ARHGAP24: variants seen among roughly 807,000 people sequenced by gnomAD.
The protein encoded by ARHGAP24 is Rho GTPase activating protein 24, also known as rho GTPase-activating protein 24.
Under a neutral mutation model 76.4 loss-of-function variants are expected in ARHGAP24, and 50 were observed. That is an observed-to-expected ratio of 0.65 (90% CI 0.52 to 0.83). The LOEUF is 0.83. ARHGAP24 is among the 40% of genes least tolerant of loss of function. The pLI, the probability that ARHGAP24 is intolerant of heterozygous loss-of-function variation, is 0.00. For synonymous variants in ARHGAP24, 345 were observed against 323.3 expected, an observed-to-expected ratio of 1.07 and a Z score of -0.72; for missense variants, 930 against 914.2, an observed-to-expected ratio of 1.02 and a Z score of -0.22.
At chr4:85,992,977 T>C (rs1740424413) in intron 8 of ARHGAP24, among the ~76,000 whole-genome samples, 1 of 152,184 alleles carries the variant, frequency 6.6e-6, no homozygotes, top group Non-Finnish European at 1.5e-5. Context: ...AGACTAAATA[T>C]TGCATTTCAC....
chr4:85,649,161 T>G (rs1721842142), intron 2 of ARHGAP24, among the ~76,000 whole-genome samples: 2 of 152,044 alleles, frequency 1.3e-5, no homozygotes, highest in Admixed American at 1.3e-4. Context: ...TTTCACAGTA[T>G]TTACCAAACA....
intron 6 of ARHGAP24, chr4:85,972,420 A>T (rs1047234790): frequency 1.2e-5 from 6 of 492,146 alleles, no homozygotes; most frequent in African/African-American, 1.9e-5. Context: ...TCCCTAAATG[A>T]TAAATGCAGT....
intron 2 of ARHGAP24, among the ~76,000 whole-genome samples, chr4:85,698,258 T>G (rs1308572881): frequency 6.6e-6 from 1 of 152,198 alleles, no homozygotes; most frequent in Non-Finnish European, 1.5e-5. Context: ...GATGGACTGC[T>G]GGACCCATGG....
In ARHGAP24 at chr4:85,569,940, G is replaced by A. The variant is rs151013745; in HGVS notation, c.-20-582G>A. On this transcript the variant is annotated intron_variant, in intron 1 of 9. Transcript: ENST00000395184. ...TCCTAGGCTGTGCCCAACAGACACA[G>A]AGGCCATAATCTTGAGAGTTATGTT... 8.5e-4 allele frequency among the ~76,000 whole-genome samples: 130 copies of A among 152,318 alleles called. 1 individual carries two copies. The highest frequency in any genetic ancestry group is 3.0e-3 in the African/African-American group (126 of 41,570).
At chr4:85,478,844 A>G (rs1000827365) in intron 1 of ARHGAP24, among the ~76,000 whole-genome samples, 2 of 152,232 alleles carry the variant, frequency 1.3e-5, no homozygotes, top group Admixed American at 6.5e-5. Flanking sequence ...TGAAGAATTA[A>G]TCATTTCATC....
At chr4:85,795,818 C>T (rs1728318735) in intron 3 of ARHGAP24, among the ~76,000 whole-genome samples, 1 of 152,102 alleles carries the variant, frequency 6.6e-6, no homozygotes, top group Admixed American at 6.5e-5. Flanking sequence ...TATTTCTTTG[C>T]TTAAGGATAC....
intron 3 of ARHGAP24, among the ~76,000 whole-genome samples, chr4:85,773,290 A>C (rs1727196011): frequency 6.6e-6 from 1 of 152,172 alleles, no homozygotes; most frequent in Non-Finnish European, 1.5e-5. Flanking sequence ...GTATTCTAAA[A>C]CCATAATATC....
intron 3 of ARHGAP24, among the ~76,000 whole-genome samples, chr4:85,743,451 C>T (rs1436291529): frequency 1.5e-5 from 2 of 134,090 alleles, no homozygotes; most frequent in African/African-American, 5.6e-5. Context: ...CATGTTAGTC[C>T]CAGCTGTTTG....
At chr4:85,901,132 T>C (rs184687173) in intron 3 of ARHGAP24, among the ~76,000 whole-genome samples, 11 of 152,310 alleles carry the variant, frequency 7.2e-5, no homozygotes, top group Non-Finnish European at 1.5e-4. Context: ...TTTCTTTAAG[T>C]AGGGATTGAA....
chr4:85,966,343 C>T (rs1236616918), intron 5 of ARHGAP24, among the ~76,000 whole-genome samples: 4 of 152,148 alleles, frequency 2.6e-5, no homozygotes, highest in East Asian at 3.8e-4. Flanking sequence ...TCTCTGCCAT[C>T]AGTAGCTTTA....
intron 1 of ARHGAP24, among the ~76,000 whole-genome samples, chr4:85,568,525 G>T (rs1399639168): frequency 2.0e-5 from 3 of 152,148 alleles, no homozygotes; most frequent in Non-Finnish European, 4.4e-5. Flanking sequence ...AGCATTAATT[G>T]TTCAGTTAGA....
At chr4:85,493,004 T>G (rs1472791327) in intron 1 of ARHGAP24, among the ~76,000 whole-genome samples, 1 of 152,224 alleles carries the variant, frequency 6.6e-6, no homozygotes, top group African/African-American at 2.4e-5. Context: ...TTTTGAAGTC[T>G]AGTGACCAGG....
chr4:85,553,674 C>G (rs1726239196), intron 1 of ARHGAP24, among the ~76,000 whole-genome samples: 1 of 152,202 alleles, frequency 6.6e-6, no homozygotes, highest in Non-Finnish European at 1.5e-5. Flanking sequence ...AAGTCCCCAG[C>G]CGACCCAGAA....
chr4:85,839,868 G>A (rs1462515725), intron 3 of ARHGAP24, among the ~76,000 whole-genome samples: 1 of 25,180 alleles, frequency 4.0e-5, no homozygotes, highest in African/African-American at 1.3e-4. Flanking sequence ...TTTTTTTTTT[G>A]AGACAGAGTC....
At chr4:85,960,375 T>C (rs1738169827) in intron 5 of ARHGAP24, among the ~76,000 whole-genome samples, 1 of 152,162 alleles carries the variant, frequency 6.6e-6, no homozygotes, top group Non-Finnish European at 1.5e-5. Context: ...TTGAGATAAA[T>C]GTCTGTGATA....
At chr4:85,693,852 G>A (rs928228314) in intron 2 of ARHGAP24, among the ~76,000 whole-genome samples, 2 of 152,186 alleles carry the variant, frequency 1.3e-5, no homozygotes, top group African/African-American at 2.4e-5. Flanking sequence ...GTGCATCAAG[G>A]CCCGTGGCTC....
chr4:85,693,049 A>G (rs1723728045), intron 2 of ARHGAP24, among the ~76,000 whole-genome samples: 1 of 152,140 alleles, frequency 6.6e-6, no homozygotes, highest in African/African-American at 2.4e-5. Context: ...CCATTGTTTC[A>G]CAGGGGAGTA....
intron 3 of ARHGAP24, among the ~76,000 whole-genome samples, chr4:85,901,657 T>C (rs1051138004): frequency 6.6e-6 from 1 of 152,162 alleles, no homozygotes; most frequent in East Asian, 1.9e-4. Flanking sequence ...ACTTACCAAT[T>C]GCTTCACCCT....
At position 85,896,593 on chromosome 4, in the gene ARHGAP24, T is replaced by G. The variant is rs150603241; in HGVS notation, c.269-27055T>G. Among the ~76,000 whole-genome samples the G allele has an allele frequency of 1.8e-3, 278 of 152,332 alleles. 1 individual carries two copies. Among genetic ancestry groups the G allele is most frequent in the African/African-American group, 6.4e-3 (267 of 41,576 alleles). Reference sequence around the variant, plus strand: ...AGCAAACACTGTACATTTATTTAATTGCTCATTTATTTGGGAGACATAGGG... The same window carrying G: ...AGCAAACACTGTACATTTATTTAATGGCTCATTTATTTGGGAGACATAGGG... On this transcript the variant is annotated intron_variant, in intron 3 of 9. Coordinates refer to ENST00000395184, the MANE Select transcript of ARHGAP24 (RefSeq NM_001025616.3).
Sources: allele counts gnomAD v4.1 joint callset (sites outside exome capture counted in the v4.1 genomes callset), GRCh38; gene constraint gnomAD v4.1.1; transcripts MANE v1.5; gene names NCBI Gene and HGNC (gene_info 2026-07-23, HGNC 2026-07-21).